GNAL: variants seen among roughly 807,000 people sequenced by gnomAD.
GNAL encodes the protein G protein subunit alpha L.
Under a neutral mutation model 55.1 loss-of-function variants are expected in GNAL, and 18 were observed. That is an observed-to-expected ratio of 0.33 (90% CI 0.23 to 0.48). The LOEUF (loss-of-function observed/expected upper bound fraction) is 0.48, where lower values mean the gene tolerates loss of function less well. Among genes scored for constraint, GNAL ranks in the 20% least tolerant of loss-of-function variants. The probability of loss-of-function intolerance (pLI) is 0.99; values close to 1 mark genes in which losing one functional copy is unlikely to be tolerated. For missense variants in GNAL, 412 were observed against 614.1 expected, an observed-to-expected ratio of 0.67 and a Z score of 3.48; for synonymous variants, 253 against 237.0, an observed-to-expected ratio of 1.07 and a Z score of -0.62.
chr18:11,693,568 T>G (rs1035173886), intron 1 of GNAL, among the ~76,000 whole-genome samples: 14 of 152,204 alleles, frequency 9.2e-5, no homozygotes, highest in Admixed American at 2.6e-4. Context: ...GAAATATGAC[T>G]TATTGACCAT....
chr18:11,769,580 A>C (rs1373796272), intron 4 of GNAL, among the ~76,000 whole-genome samples: 1 of 152,222 alleles, frequency 6.6e-6, no homozygotes, highest in Non-Finnish European at 1.5e-5. Context: ...CTTAAAGTGA[A>C]TCCACAGTTG....
chr18:11,689,750 T>G lies in GNAL; in HGVS notation c.187T>G (p.Cys63Gly). 1 of 1,509,248 alleles carries G rather than the reference T, an allele frequency of 6.6e-7. No individual in the cohort carries two copies. Among genetic ancestry groups the G allele is most frequent in the Non-Finnish European group, 8.8e-7 (1 of 1,132,466 alleles). The allele number at this position is 1,509,248 out of a possible 1,614,324, so 93.5% of individuals were successfully genotyped here. ...LPRGGEGSPA[C>G]ARPKADKPKE... is the part of the protein sequence containing the mutation. ...TCGGGGCGGCGAAGGGAGCCCGGCA[T>G]GCGCTCGGCCCAAAGCAGACAAGCC... The change falls in exon 1 of 12, where the codon TGC becomes GGC. Residue 63 changes from cysteine to glycine, a missense_variant. Physicochemically the swap from Cys to Gly is radical, Grantham distance 159. Coordinates refer to ENST00000334049, the MANE Select transcript of GNAL (RefSeq NM_182978.4).
intron 4 of GNAL, among the ~76,000 whole-genome samples, chr18:11,800,563 C>A (rs1024166901): frequency 1.3e-5 from 2 of 152,132 alleles, no homozygotes; most frequent in Non-Finnish European, 2.9e-5. Flanking sequence ...CAGAAGCCCA[C>A]GGAATGAAAG....
intron 4 of GNAL, among the ~76,000 whole-genome samples, chr18:11,788,183 G>T (rs1275601984): frequency 6.6e-6 from 1 of 152,198 alleles, no homozygotes; most frequent in Non-Finnish European, 1.5e-5. Context: ...ACCACCTGGG[G>T]AGCTTTCAAA....
chr18:11,748,635 G>A (rs1239670233), intron 1 of GNAL, among the ~76,000 whole-genome samples: 3 of 151,930 alleles, frequency 2.0e-5, no homozygotes, highest in Non-Finnish European at 4.4e-5. Context: ...TATATTTTTA[G>A]GGAAACTAAA....
At chr18:11,758,630 A>G (rs1201359080) in intron 4 of GNAL, among the ~76,000 whole-genome samples, 1 of 152,258 alleles carries the variant, frequency 6.6e-6, no homozygotes, top group East Asian at 1.9e-4. Context: ...ATAAATCACC[A>G]TAGAAAAGTA....
At chr18:11,713,662 C>T (rs1315507072) in intron 1 of GNAL, among the ~76,000 whole-genome samples, 1 of 152,062 alleles carries the variant, frequency 6.6e-6, no homozygotes, top group East Asian at 1.9e-4. Flanking sequence ...ATATCTAGAG[C>T]GAAAACAATC....
rs968123360 is a variant in GNAL at position 11,695,922 on chromosome 18, G to GCACGCACGCGCA, written c.376+5986_376+5987insGCACGCGCACAC. 9.8e-3 allele frequency among the ~76,000 whole-genome samples: 1,333 copies of GCACGCACGCGCA among 136,092 alleles called. 23 individuals are homozygous for GCACGCACGCGCA. Among genetic ancestry groups the GCACGCACGCGCA allele is most frequent in the African/African-American group, 0.039 (1,277 of 32,820 alleles). 89.3% of individuals were successfully genotyped at this position (136,092 alleles called of 152,430 possible). ...CATGCTCAGACATGCATGCACGCAT[G>GCACGCACGCGCA]CACACACACACACACACACACACAC... is the stretch of plus-strand genomic sequence containing the variant. On this transcript the variant is annotated intron_variant, in intron 1 of 11. Coordinates refer to ENST00000334049, the MANE Select transcript of GNAL (RefSeq NM_182978.4).
chr18:11,771,962 C>A (rs1015998653), intron 4 of GNAL, among the ~76,000 whole-genome samples: 6 of 152,012 alleles, frequency 3.9e-5, no homozygotes, highest in Non-Finnish European at 8.8e-5. Context: ...CTCAGGTGAT[C>A]TACCTGCCTC....
At chr18:11,718,972 T>C (rs995421270) in intron 1 of GNAL, among the ~76,000 whole-genome samples, 9 of 152,166 alleles carry the variant, frequency 5.9e-5, no homozygotes, top group African/African-American at 2.2e-4. Flanking sequence ...TTGTGTACCA[T>C]GAATTAAATG....
chr18:11,752,618 G>A lies in GNAL; in HGVS notation c.377-235G>A. ...CGCGCGGCGGCTCCCGGCCCCAGCGGAGCGCACAGCCAGGAGCGGCGAGCG... is the reference window on the plus strand; with the variant it reads ...CGCGCGGCGGCTCCCGGCCCCAGCGAAGCGCACAGCCAGGAGCGGCGAGCG... On this transcript the variant is annotated intron_variant, in intron 1 of 11. Coordinates refer to ENST00000334049, the MANE Select transcript of GNAL (RefSeq NM_182978.4). This position sits in a 1 kb window ranked among gnomAD's most constrained non-coding sequence, Gnocchi z 4.5. The A allele has an allele frequency of 1.3e-6, 2 of 1,558,564 alleles. No individual in the cohort carries two copies.
intron 4 of GNAL, among the ~76,000 whole-genome samples, chr18:11,796,336 G>C (rs1468632281): frequency 6.6e-6 from 1 of 152,030 alleles, no homozygotes; most frequent in African/African-American, 2.4e-5. Flanking sequence ...CCAGCACTTT[G>C]GGAGGCTGAG....
At chr18:11,872,526 C>T in intron 10 of GNAL, 128 bp downstream of exon 10, 1 of 631,460 alleles carries the variant, frequency 1.6e-6, no homozygotes, top group Non-Finnish European at 2.7e-6. Flanking sequence ...TTTCTTTCTA[C>T]TGCCCATATC....
intron 4 of GNAL, among the ~76,000 whole-genome samples, chr18:11,773,989 T>C (rs1401453524): frequency 1.3e-5 from 2 of 152,096 alleles, no homozygotes; most frequent in African/African-American, 4.8e-5. Context: ...ATCTGTAAAA[T>C]GGGGATAATA....
chr18:11,805,662 T>C (rs984903121), intron 4 of GNAL, among the ~76,000 whole-genome samples: 3 of 152,158 alleles, frequency 2.0e-5, no homozygotes, highest in African/African-American at 7.2e-5. Context: ...TCCAGTTCCC[T>C]CCATGTATCT....
chr18:11,706,356 G>T (rs1228681038), intron 1 of GNAL, among the ~76,000 whole-genome samples: 1 of 152,002 alleles, frequency 6.6e-6, no homozygotes, highest in African/African-American at 2.4e-5. Flanking sequence ...TAAAAATATT[G>T]ATAAAAAGTG....
chr18:11,755,202 A>C (rs1235542341), intron 4 of GNAL, among the ~76,000 whole-genome samples: 1 of 152,106 alleles, frequency 6.6e-6, no homozygotes, highest in Non-Finnish European at 1.5e-5. Flanking sequence ...GGCTCACCCC[A>C]CCCCTTCTCT....
At chr18:11,758,386 A>T (rs1188438096) in intron 4 of GNAL, among the ~76,000 whole-genome samples, 1 of 152,182 alleles carries the variant, frequency 6.6e-6, no homozygotes, top group Non-Finnish European at 1.5e-5. Context: ...ACAGTGATGG[A>T]TGATAAAATT....
intron 1 of GNAL, among the ~76,000 whole-genome samples, chr18:11,732,958 G>A (rs4239300): frequency 0.96 from 146,918 of 152,340 alleles, 70,886 homozygotes; most frequent in African/African-American, 0.98. Flanking sequence ...TATTCATGAA[G>A]TAAGAGCTTT....
Sources: allele counts gnomAD v4.1 joint callset (sites outside exome capture counted in the v4.1 genomes callset), GRCh38; gene constraint gnomAD v4.1.1; non-coding constraint Gnocchi (gnomAD v3.1); transcripts MANE v1.5; gene names NCBI Gene and HGNC (gene_info 2026-07-23, HGNC 2026-07-21).